Variants in MARK3 observed in about 807,000 individuals in gnomAD.
The protein encoded by MARK3 is MAP/microtubule affinity-regulating kinase 3.
MARK3 carries 46 observed loss-of-function variants against 90.1 expected under a neutral mutation model. That is an observed-to-expected ratio of 0.51 (90% CI 0.40 to 0.65). The LOEUF (loss-of-function observed/expected upper bound fraction) is 0.65, where lower values mean the gene tolerates loss of function less well. MARK3 is among the 30% of genes least tolerant of loss of function. The pLI, the probability that MARK3 is intolerant of heterozygous loss-of-function variation, is 0.00. For missense variants in MARK3, 818 were observed against 947.2 expected, an observed-to-expected ratio of 0.86 and a Z score of 1.79; for synonymous variants, 321 against 332.6, an observed-to-expected ratio of 0.97 and a Z score of 0.38.
At chr14:103,474,964 T>C (rs2141755319) in intron 12 of MARK3, 29 bp from the exon 13 acceptor site, 1 of 1,545,292 alleles carries the variant, frequency 6.5e-7, no homozygotes, top group South Asian at 1.1e-5. Flanking sequence ...CTATATTCAG[T>C]CATTTAAAAA....
chr14:103,461,610 G>A (rs185949595), intron 6 of MARK3, among the ~76,000 whole-genome samples: 65 of 152,308 alleles, frequency 4.3e-4, no homozygotes, highest in Middle Eastern at 3.4e-3. Context: ...ATCCACATCA[G>A]TTAGAAGGAA....
chr14:103,441,039 G>A (rs2092839667), intron 3 of MARK3, among the ~76,000 whole-genome samples: 1 of 147,404 alleles, frequency 6.8e-6, no homozygotes, highest in South Asian at 2.1e-4. Flanking sequence ...TAGGTTTTTT[G>A]TTTCTTCTGT....
intron 14 of MARK3, among the ~76,000 whole-genome samples, chr14:103,485,830 C>G (rs1212100382): frequency 5.9e-5 from 9 of 152,196 alleles, no homozygotes; most frequent in African/African-American, 1.9e-4. Flanking sequence ...GCCAAGAGTT[C>G]AAGGTCAGCC....
At chr14:103,490,930 C>A in intron 14 of MARK3, 1 of 1,255,356 alleles carries the variant, frequency 8.0e-7, no homozygotes, top group Non-Finnish European at 1.0e-6. Flanking sequence ...TCTGCCTCTG[C>A]CTGAACCCAA....
At chr14:103,473,147 G>C (rs922933460) in intron 12 of MARK3, among the ~76,000 whole-genome samples, 2 of 152,308 alleles carry the variant, frequency 1.3e-5, no homozygotes, top group East Asian at 3.9e-4. Context: ...GAATTCTAGA[G>C]ATGGCGAGCA....
chr14:103,465,211 G>A (rs1185672344), intron 7 of MARK3, among the ~76,000 whole-genome samples: 1 of 152,022 alleles, frequency 6.6e-6, no homozygotes, highest in Non-Finnish European at 1.5e-5. Flanking sequence ...CAGATGATTC[G>A]TCCACCTCGG....
At chr14:103,404,507 T>C (rs895739415) in intron 1 of MARK3, among the ~76,000 whole-genome samples, 12 of 151,888 alleles carry the variant, frequency 7.9e-5, no homozygotes, top group East Asian at 1.9e-4. Flanking sequence ...CTTTATTAAG[T>C]AAGCATATTG....
intron 14 of MARK3, among the ~76,000 whole-genome samples, chr14:103,485,131 G>T (rs554593771): frequency 3.9e-4 from 58 of 148,938 alleles, no homozygotes; most frequent in African/African-American, 1.4e-3. Flanking sequence ...TTGGGAGGCC[G>T]AGGCAGGAGA....
chr14:103,454,965 T>A (rs1487349624), intron 5 of MARK3, among the ~76,000 whole-genome samples: 1 of 152,092 alleles, frequency 6.6e-6, no homozygotes, highest in African/African-American at 2.4e-5. Flanking sequence ...AGCCTTAGTA[T>A]TTTTCAGTTC....
intron 4 of MARK3, among the ~76,000 whole-genome samples, chr14:103,450,496 A>C (rs144247575): frequency 3.2e-4 from 48 of 152,330 alleles, no homozygotes; most frequent in African/African-American, 1.1e-3. Context: ...CTTTTAAAAA[A>C]TTCCTATTGC....
intron 2 of MARK3, among the ~76,000 whole-genome samples, chr14:103,411,848 C>T (rs1362364327): frequency 6.6e-6 from 1 of 152,008 alleles, no homozygotes; most frequent in Non-Finnish European, 1.5e-5. Context: ...GTCTCGATCT[C>T]TTGAACCCAT....
At position 103,498,484 on chromosome 14, in the gene MARK3, TTAC is replaced by T. The variant is rs756713956; in HGVS notation, c.1845-16_1845-14del. 1.5e-6 allele frequency: 2 copies of T among 1,334,330 alleles called. No individual in the cohort carries two copies. Among genetic ancestry groups the T allele is most frequent in the Non-Finnish European group, 2.0e-6 (2 of 1,023,280 alleles). The allele number at this position is 1,334,330 out of a possible 1,614,324, so 82.7% of individuals were successfully genotyped here. On this transcript the variant is annotated splice_polypyrimidine_tract_variant and intron_variant, in intron 15 of 17. Transcript: ENST00000429436. The stretch of plus-strand genomic sequence containing the variant: ...TATTTTTGTTAATTTTTTTTTTTTT[TTAC>T]TTAATTTCTTTTAGAAACATGTCAT...
Position 103,385,949 on chromosome 14 carries a change from C to G in MARK3, c.-81C>G, listed in dbSNP as rs941283623. On this transcript the variant is annotated 5_prime_UTR_variant, in exon 1 of 18. Coordinates refer to ENST00000429436, the MANE Select transcript of MARK3 (RefSeq NM_001128918.3). ...CGCCTTTTCGGAACTGCCGTGGACTCGAGGACGCTGGTCGCCGGCCTCCTA... is the reference window on the plus strand; with the variant it reads ...CGCCTTTTCGGAACTGCCGTGGACTGGAGGACGCTGGTCGCCGGCCTCCTA... 8.4e-7 allele frequency: 1 copy of G among 1,187,288 alleles called. No individual in the cohort carries two copies. The highest frequency in any genetic ancestry group is 1.3e-6 in the Non-Finnish European group (1 of 792,480). The allele number at this position is 1,187,288 out of a possible 1,614,324, so 73.5% of individuals were successfully genotyped here.
intron 3 of MARK3, among the ~76,000 whole-genome samples, chr14:103,444,961 G>A (rs2092956593): frequency 6.6e-6 from 1 of 152,148 alleles, no homozygotes; most frequent in Non-Finnish European, 1.5e-5. Context: ...AGATTATGAA[G>A]TCTCTGGCAT....
chr14:103,484,679 T>G (rs2093890906), intron 14 of MARK3, among the ~76,000 whole-genome samples: 1 of 152,146 alleles, frequency 6.6e-6, no homozygotes, highest in Non-Finnish European at 1.5e-5. Flanking sequence ...CCACCTGTAA[T>G]CCCAGCATTT....
chr14:103,409,880 G>T (rs1422054130), intron 2 of MARK3, among the ~76,000 whole-genome samples: 2 of 152,136 alleles, frequency 1.3e-5, no homozygotes, highest in African/African-American at 4.8e-5. Flanking sequence ...AAACAGATCT[G>T]CAGTGGACAT....
chr14:103,452,629 G>A lies in MARK3; in HGVS notation c.412+646G>A, dbSNP rs566204407. On this transcript the variant is annotated intron_variant, in intron 5 of 17. Coordinates refer to ENST00000429436, the MANE Select transcript of MARK3 (RefSeq NM_001128918.3). The stretch of plus-strand genomic sequence containing the variant: ...TGGGACTACAGGCGCCCGCTACTAC[G>A]CCCGGCTAATTTTTTGTATTTTTAG... Among the ~76,000 whole-genome samples the A allele has an allele frequency of 2.7e-3, 402 of 150,858 alleles. 2 individuals are homozygous for A. The highest frequency in any genetic ancestry group is 9.0e-3 in the African/African-American group (372 of 41,268).
intron 2 of MARK3, among the ~76,000 whole-genome samples, chr14:103,427,132 CAA>C (rs938834082): frequency 1.3e-4 from 19 of 149,130 alleles, no homozygotes; most frequent in African/African-American, 4.4e-4. Flanking sequence ...AATGTTATAA[CAA>C]TACGTTTATT....
intron 3 of MARK3, among the ~76,000 whole-genome samples, chr14:103,445,098 TAA>T (rs1206738506): frequency 1.3e-5 from 2 of 152,112 alleles, no homozygotes; most frequent in African/African-American, 4.8e-5. Flanking sequence ...GTTAAATTTC[TAA>T]GGTAGCAATG....
Sources: gnomAD v4.1 joint callset for allele counts (sites outside exome capture counted in the v4.1 genomes callset) on GRCh38, gnomAD v4.1.1 for gene constraint, MANE v1.5 for transcripts, NCBI Gene and HGNC (gene_info 2026-07-23, HGNC 2026-07-21) for gene names.